The following TMEM272 variants were observed in gnomAD, a reference collection of about 807,000 sequenced individuals.
TMEM272 encodes the protein long intergenic non-protein coding RNA 282.
A neutral mutation model predicts 3.7 loss-of-function variants in TMEM272; 8 were observed. The observed-to-expected ratio is 2.17, with a 90% CI of 1.27 to 3.91. The LOEUF (loss-of-function observed/expected upper bound fraction) is 3.91, where lower values mean the gene tolerates loss of function less well. Ranked by LOEUF, TMEM272 falls within the 30% of genes most tolerant of loss-of-function variation. TMEM272 has a pLI of 0.00. For missense variants in TMEM272, 166 were observed against 91.5 expected, an observed-to-expected ratio of 1.81 and a Z score of -3.32; for synonymous variants, 63 against 39.8, an observed-to-expected ratio of 1.58 and a Z score of -2.20.
chr13:51,832,339 T>C (rs752816712), intron 2 of TMEM272, among the ~76,000 whole-genome samples: 18 of 152,226 alleles, frequency 1.2e-4, no homozygotes, highest in Non-Finnish European at 2.6e-4. Flanking sequence ...GCTTTTGGTC[T>C]GTTCTCAAGG....
the TMEM272 span, among the ~76,000 whole-genome samples, chr13:51,913,787 TG>T: frequency 0.018 from 2,712 of 152,306 alleles, 79 homozygotes; most frequent in African/African-American, 0.062. Flanking sequence ...CTGATGCCTC[TG>T]GGAAAGAAAT....
the TMEM272 span, among the ~76,000 whole-genome samples, chr13:51,904,497 T>C: frequency 3.3e-5 from 5 of 152,222 alleles, no homozygotes; most frequent in East Asian, 9.7e-4. Flanking sequence ...ATAGTAGTAA[T>C]GAATAATTTT....
the TMEM272 span, among the ~76,000 whole-genome samples, chr13:51,891,362 A>C: frequency 6.6e-6 from 1 of 152,212 alleles, no homozygotes; most frequent in Non-Finnish European, 1.5e-5. Context: ...ATTATTTGCC[A>C]TTACCTGACA....
At chr13:51,878,292 T>C in the TMEM272 span, among the ~76,000 whole-genome samples, 136,324 of 152,114 alleles carry the variant, frequency 0.9, 61,742 homozygotes, top group East Asian at 0.97. Context: ...TAGCCAGGCG[T>C]CGTGGCAGGC....
chr13:51,850,666 A>C, the TMEM272 span, among the ~76,000 whole-genome samples: 3 of 152,304 alleles, frequency 2.0e-5, no homozygotes, highest in Admixed American at 2.0e-4. Flanking sequence ...GAGCTATACC[A>C]TATCTATTTT....
chr13:51,870,675 A>G, the TMEM272 span, among the ~76,000 whole-genome samples: 1 of 152,258 alleles, frequency 6.6e-6, no homozygotes, highest in Admixed American at 6.5e-5. Context: ...AGCAAAAATA[A>G]TAAATCTGAA....
At chr13:51,838,804 A>G (rs1305166884) in intron 1 of TMEM272, among the ~76,000 whole-genome samples, 1 of 152,156 alleles carries the variant, frequency 6.6e-6, no homozygotes, top group Non-Finnish European at 1.5e-5. Flanking sequence ...AGCCAGGAAG[A>G]CACAGGCCTG....
chr13:51,864,128 C>CT, the TMEM272 span, among the ~76,000 whole-genome samples: 2 of 145,008 alleles, frequency 1.4e-5, no homozygotes, highest in African/African-American at 5.1e-5. Flanking sequence ...TTTTTCTTTT[C>CT]TTTTTTTCTT....
the TMEM272 span, among the ~76,000 whole-genome samples, chr13:51,881,642 C>G: frequency 6.6e-6 from 1 of 151,984 alleles, no homozygotes; most frequent in Non-Finnish European, 1.5e-5. Flanking sequence ...TAGGAGGTGA[C>G]TGGGTCATGA....
Position 51,816,855 on chromosome 13 carries a change from C to A in TMEM272, c.460G>T (p.Val154Phe), listed in dbSNP as rs1338292821. ...YCDKTLYLFA[V>F]GVLALSHTVL... is the part of the protein sequence containing the mutation. The stretch of plus-strand genomic sequence containing the variant: ...GTGTGACTGAGCGCCAGGACTCCGA[C>A]TGCAAAGAGGTACAGGGTTTTGTCA... The change falls in exon 5 of 5, where the codon GTC becomes TTC. Residue 154 changes from valine (V) to phenylalanine (F), a missense_variant. Transcript: ENST00000629372. The A allele has an allele frequency of 4.3e-6, 3 of 702,906 alleles. No individual in the cohort carries two copies. In the African/African-American group the frequency reaches 5.2e-5, roughly 12 times the overall value. 43.5% of individuals were successfully genotyped at this position (702,906 alleles called of 1,614,324 possible). A position where few individuals can be genotyped will look rare whatever the true frequency, so the allele number is the denominator to read the frequency against.
At chr13:51,872,838 AG>A in the TMEM272 span, among the ~76,000 whole-genome samples, 2 of 152,394 alleles carry the variant, frequency 1.3e-5, no homozygotes, top group East Asian at 3.9e-4. Context: ...TTCAACTCCA[AG>A]TTTTATTCTT....
Position 51,816,596 on chromosome 13 carries a change from G to T in TMEM272, c.*155C>A, listed in dbSNP as rs1011992873. The T allele has an allele frequency of 1.7e-6, 1 of 584,758 alleles. No homozygotes were observed. The highest frequency in any genetic ancestry group is 1.9e-5 in the African/African-American group (1 of 53,666). 36.2% of individuals were successfully genotyped at this position (584,758 alleles called of 1,614,324 possible). A position where few individuals can be genotyped will look rare whatever the true frequency, so the allele number is the denominator to read the frequency against. ...CTGCTATTATATTCAGTGCCTTTGG[G>T]TGGCTTTTTAAATGCCTTCAGGGAA... On this transcript the variant is annotated 3_prime_UTR_variant, in exon 5 of 5. Transcript: ENST00000629372.
chr13:51,819,541 C>G (rs1455400682), intron 4 of TMEM272, among the ~76,000 whole-genome samples: 1 of 152,194 alleles, frequency 6.6e-6, no homozygotes, highest in Non-Finnish European at 1.5e-5. Flanking sequence ...GTGGGTCCCA[C>G]TGCCCAGGCT....
At chr13:51,907,599 C>G in the TMEM272 span, among the ~76,000 whole-genome samples, 1 of 152,202 alleles carries the variant, frequency 6.6e-6, no homozygotes, top group South Asian at 2.1e-4. Context: ...CCTTGCCTCA[C>G]TCATTCCTTC....
chr13:51,876,482 AGATTG>A, the TMEM272 span, among the ~76,000 whole-genome samples: 10 of 152,214 alleles, frequency 6.6e-5, no homozygotes, highest in African/African-American at 9.6e-5. Flanking sequence ...ACATCTACAA[AGATTG>A]TTCTGTGCCT....
the TMEM272 span, among the ~76,000 whole-genome samples, chr13:51,858,016 G>A: frequency 6.6e-6 from 1 of 152,122 alleles, no homozygotes; most frequent in Non-Finnish European, 1.5e-5. Flanking sequence ...TAAAACGGTG[G>A]CATTTTATAA....
chr13:51,899,510 A>G, the TMEM272 span, among the ~76,000 whole-genome samples: 1 of 148,914 alleles, frequency 6.7e-6, no homozygotes, highest in East Asian at 2.0e-4. Flanking sequence ...GAAGGCCTAA[A>G]TAAGTGGAAA....
the TMEM272 span, among the ~76,000 whole-genome samples, chr13:51,907,279 T>C: frequency 6.6e-6 from 1 of 152,348 alleles, no homozygotes; most frequent in African/African-American, 2.4e-5. Flanking sequence ...TGTCTTTTTA[T>C]GTATTCTGAC....
At chr13:51,922,411 T>C in the TMEM272 span, among the ~76,000 whole-genome samples, 1 of 152,212 alleles carries the variant, frequency 6.6e-6, no homozygotes, top group Admixed American at 6.5e-5. Flanking sequence ...GTTGATACTT[T>C]TCACGGTAAT....
Sources: gnomAD v4.1 joint callset for allele counts (sites outside exome capture counted in the v4.1 genomes callset) on GRCh38, gnomAD v4.1.1 for gene constraint, MANE v1.5 for transcripts, NCBI Gene and HGNC (gene_info 2026-07-23, HGNC 2026-07-21) for gene names.